SHANK2: variants seen among roughly 807,000 people sequenced by gnomAD.
SHANK2 encodes the protein SH3 and multiple ankyrin repeat domains 2.
Under a neutral mutation model 133.7 loss-of-function variants are expected in SHANK2, and 43 were observed. The observed-to-expected ratio is 0.32, with a 90% CI of 0.25 to 0.41. SHANK2 has a LOEUF of 0.41. Ranked by LOEUF, SHANK2 falls within the 10% of genes least tolerant of loss-of-function variation. SHANK2 has a pLI of 1.00. For missense variants in SHANK2, 1,994 were observed against 2,235.8 expected, an observed-to-expected ratio of 0.89 and a Z score of 2.18; for synonymous variants, 1,017 against 952.8, an observed-to-expected ratio of 1.07 and a Z score of -1.24.
chr11:70,792,321 AAC>A, intron 14 of SHANK2, among the ~76,000 whole-genome samples: 1 of 151,456 alleles, frequency 6.6e-6, no homozygotes, highest in Non-Finnish European at 1.5e-5. Flanking sequence ...CCAACCAACC[AAC>A]CAACCAACCA....
At chr11:70,921,566 A>T (rs1291901925) in intron 10 of SHANK2, among the ~76,000 whole-genome samples, 2 of 152,244 alleles carry the variant, frequency 1.3e-5, no homozygotes, top group Non-Finnish European at 2.9e-5. Flanking sequence ...TGAAATTGGG[A>T]GGAGCAGAAG....
chr11:71,222,135 C>A (rs1954555212), intron 2 of SHANK2, among the ~76,000 whole-genome samples: 1 of 150,198 alleles, frequency 6.7e-6, no homozygotes, highest in Admixed American at 6.6e-5. Flanking sequence ...ACCCACCCCA[C>A]CCCATCCAGC....
At chr11:70,902,270 G>A (rs1950033802) in intron 10 of SHANK2, among the ~76,000 whole-genome samples, 1 of 152,218 alleles carries the variant, frequency 6.6e-6, no homozygotes, top group Non-Finnish European at 1.5e-5. Context: ...AAGGAGGAAG[G>A]CCTTTTATGG....
At chr11:71,079,786 AAG>A (rs1421583975) in intron 8 of SHANK2, among the ~76,000 whole-genome samples, 6 of 144,106 alleles carry the variant, frequency 4.2e-5, no homozygotes, top group Non-Finnish European at 7.6e-5. Context: ...GAGAGTAAGA[AAG>A]AGAGAGAAGA....
chr11:70,785,063 G>T (rs1947619677), intron 14 of SHANK2, among the ~76,000 whole-genome samples: 1 of 152,184 alleles, frequency 6.6e-6, no homozygotes, highest in African/African-American at 2.4e-5. Flanking sequence ...GTGTCCTGAG[G>T]CCTGTGTGCC....
At chr11:70,899,540 G>A (rs963524280) in intron 10 of SHANK2, among the ~76,000 whole-genome samples, 1 of 152,176 alleles carries the variant, frequency 6.6e-6, no homozygotes, top group Non-Finnish European at 1.5e-5. Flanking sequence ...GGTAGAAAAG[G>A]TGGCTTTAGA....
upstream of SHANK2, among the ~76,000 whole-genome samples, chr11:71,252,763 G>T (rs1456560505): frequency 6.6e-6 from 1 of 151,282 alleles, no homozygotes; most frequent in Non-Finnish European, 1.5e-5. This position sits in a 1 kb window ranked among gnomAD's most constrained non-coding sequence, Gnocchi z 6.3. Flanking sequence ...CGGCTCGGGC[G>T]TGCGCGTGGG....
rs540022436 is a variant in SHANK2, at chr11:70,953,488, C to T, written c.1108-56921G>A. ...AGTCTGTGGTCGAAGGACCAAGAGT[C>T]CCCGGCAAGACACTGGTGTAGGTCC... On this transcript the variant is annotated intron_variant, in intron 10 of 25. Transcript: ENST00000601538. Among the ~76,000 whole-genome samples the T allele has an allele frequency of 6.6e-5, 10 of 152,190 alleles. No homozygotes were observed. The South Asian group carries it at 2.1e-3, about 32-fold the overall frequency.
intron 14 of SHANK2, among the ~76,000 whole-genome samples, chr11:70,708,062 C>T (rs1555025335): frequency 6.6e-6 from 1 of 152,240 alleles, no homozygotes; most frequent in Non-Finnish European, 1.5e-5. Flanking sequence ...GAGGCATGTG[C>T]TTCCAGGGCC....
Position 70,781,558 on chromosome 11 carries a change from TTATATA to T in SHANK2, c.1777+16879_1777+16884del, listed in dbSNP as rs1273792106. On this transcript the variant is annotated intron_variant, in intron 14 of 25. Coordinates refer to ENST00000601538, the MANE Select transcript of SHANK2 (RefSeq NM_012309.5). ...AAGCAGCTTGCAATTTACTTACTTA[TTATATA>T]TATATATATATATATATATTTACTT... 9.0e-4 allele frequency among the ~76,000 whole-genome samples: 26 copies of T among 28,968 alleles called. 2 individuals are homozygous for T. Among genetic ancestry groups the T allele is most frequent in the Middle Eastern group, 0.025 (1 of 40 alleles). 19.0% of individuals were successfully genotyped at this position (28,968 alleles called of 152,430 possible).
At chr11:70,605,494 G>A (rs1053317467) in intron 17 of SHANK2, among the ~76,000 whole-genome samples, 3 of 152,242 alleles carry the variant, frequency 2.0e-5, no homozygotes, top group Non-Finnish European at 2.9e-5. Context: ...ACCCTCCAGC[G>A]ATTAGCACGC....
intron 2 of SHANK2, among the ~76,000 whole-genome samples, chr11:71,215,882 T>A (rs935514435): frequency 6.6e-6 from 1 of 152,182 alleles, no homozygotes; most frequent in African/African-American, 2.4e-5. Flanking sequence ...CTTGGGCACA[T>A]TGCTGATGCT....
chr11:71,082,804 G>A (rs1222338669), intron 8 of SHANK2, among the ~76,000 whole-genome samples: 1 of 152,158 alleles, frequency 6.6e-6, no homozygotes, highest in Admixed American at 6.5e-5. Flanking sequence ...ATTTAAATGC[G>A]ATAAATAACA....
intron 25 of SHANK2, among the ~76,000 whole-genome samples, chr11:70,476,983 G>A (rs1296995457): frequency 6.6e-6 from 1 of 152,254 alleles, no homozygotes; most frequent in Non-Finnish European, 1.5e-5. Context: ...ATACCCAGCT[G>A]TTCCCAGGTA....
At chr11:71,066,293 T>G (rs1951062444) in intron 9 of SHANK2, among the ~76,000 whole-genome samples, 1 of 20,998 alleles carries the variant, frequency 4.8e-5, no homozygotes, top group African/African-American at 1.9e-4. Flanking sequence ...GAGCAGAGAG[T>G]GGGGAAGTTG....
intron 2 of SHANK2, among the ~76,000 whole-genome samples, chr11:71,206,771 C>T (rs1555118057): frequency 6.6e-6 from 1 of 151,938 alleles, no homozygotes; most frequent in Non-Finnish European, 1.5e-5. Flanking sequence ...GCGGCAACTA[C>T]AAAAAATAAA....
At chr11:70,829,374 C>G (rs1555057814) in intron 11 of SHANK2, among the ~76,000 whole-genome samples, 1 of 152,048 alleles carries the variant, frequency 6.6e-6, no homozygotes, top group Non-Finnish European at 1.5e-5. Flanking sequence ...GTGCATTTGC[C>G]CACAAGCAGG....
chr11:70,900,968 T>A (rs1312735522), intron 10 of SHANK2, among the ~76,000 whole-genome samples: 1 of 152,120 alleles, frequency 6.6e-6, no homozygotes, highest in Non-Finnish European at 1.5e-5. Context: ...TGGCTGCAGG[T>A]GTGCACAGCA....
At chr11:71,096,531 G>A (rs1045462539) in intron 6 of SHANK2, among the ~76,000 whole-genome samples, 16 of 152,182 alleles carry the variant, frequency 1.1e-4, no homozygotes, top group African/African-American at 3.9e-4. Flanking sequence ...CATCTGGGGA[G>A]TTTATTCCTT....
Sources: allele counts gnomAD v4.1 joint callset (sites outside exome capture counted in the v4.1 genomes callset), GRCh38; gene constraint gnomAD v4.1.1; non-coding constraint Gnocchi (gnomAD v3.1); transcripts MANE v1.5; gene names NCBI Gene and HGNC (gene_info 2026-07-23, HGNC 2026-07-21).